Variants in CACNA2D3 observed in about 807,000 individuals in gnomAD.
CACNA2D3 encodes the protein calcium voltage-gated channel auxiliary subunit alpha2delta 3, also known as voltage-dependent calcium channel subunit alpha-2/delta-3.
Under a neutral mutation model 160.6 loss-of-function variants are expected in CACNA2D3, and 60 were observed. The ratio of observed to expected loss-of-function variants is 0.37; its 90% CI spans 0.30 to 0.46. The LOEUF (loss-of-function observed/expected upper bound fraction) is 0.46, where lower values mean the gene tolerates loss of function less well. CACNA2D3 is among the 20% of genes least tolerant of loss of function. The pLI is 1.00. For synonymous variants in CACNA2D3, 558 were observed against 492.9 expected, an observed-to-expected ratio of 1.13 and a Z score of -1.75; for missense variants, 1,205 against 1,365.0, an observed-to-expected ratio of 0.88 and a Z score of 1.85.
chr3:54,556,271 C>T (rs1357120071), intron 5 of CACNA2D3, among the ~76,000 whole-genome samples: 1 of 152,116 alleles, frequency 6.6e-6, no homozygotes, highest in African/African-American at 2.4e-5. Flanking sequence ...TGCCTAAACC[C>T]AATGACCAGT....
intron 13 of CACNA2D3, among the ~76,000 whole-genome samples, chr3:54,768,648 A>G (rs1266093387): frequency 6.6e-6 from 1 of 152,204 alleles, no homozygotes; most frequent in Non-Finnish European, 1.5e-5. Context: ...CAAATTTTAC[A>G]TTCTGTGCCA....
In CACNA2D3 at chr3:54,741,493, G is replaced by A. The variant is rs1264312783; in HGVS notation, c.1168-11106G>A. ...AACTTGCTGGGCAAGGTGGCTCAAC[G>A]CCACCCTGGGAGGCTGAGGTGGGTG... is the stretch of plus-strand genomic sequence containing the variant. On this transcript the variant is annotated intron_variant, in intron 11 of 37. Transcript: ENST00000474759. Among the ~76,000 whole-genome samples the A allele has an allele frequency of 3.1e-4, 47 of 151,964 alleles. 1 individual carries two copies. The highest frequency in any genetic ancestry group is 2.9e-3 in the Admixed American group (45 of 15,258).
chr3:54,950,872 G>A (rs1216805088), intron 27 of CACNA2D3, among the ~76,000 whole-genome samples: 1 of 152,176 alleles, frequency 6.6e-6, no homozygotes, highest in Non-Finnish European at 1.5e-5. Flanking sequence ...GGCAAGAGCA[G>A]GAGAGGAGAG....
At chr3:54,522,969 C>CT (rs1387054686) in intron 5 of CACNA2D3, among the ~76,000 whole-genome samples, 1 of 151,974 alleles carries the variant, frequency 6.6e-6, no homozygotes, top group Non-Finnish European at 1.5e-5. Flanking sequence ...TACTTACTTA[C>CT]TTACTGACCA....
At chr3:54,955,199 G>A (rs756243132) in intron 27 of CACNA2D3, among the ~76,000 whole-genome samples, 12 of 152,174 alleles carry the variant, frequency 7.9e-5, no homozygotes, top group Non-Finnish European at 1.5e-4. Flanking sequence ...CAGGGGACAG[G>A]GGAGATGGGG....
intron 35 of CACNA2D3, among the ~76,000 whole-genome samples, chr3:55,049,131 T>G (rs1704129497): frequency 6.6e-6 from 1 of 152,010 alleles, no homozygotes; most frequent in African/African-American, 2.4e-5. Context: ...TAGTTATTTC[T>G]TCCCTTCTGC....
chr3:54,187,218 A>G (rs1700893762), intron 2 of CACNA2D3, among the ~76,000 whole-genome samples: 1 of 152,266 alleles, frequency 6.6e-6, no homozygotes, highest in East Asian at 1.9e-4. Context: ...AGATGACTGT[A>G]TCTGTGTCTG....
chr3:54,769,658 G>T (rs1702283368), intron 13 of CACNA2D3, among the ~76,000 whole-genome samples: 2 of 152,064 alleles, frequency 1.3e-5, no homozygotes, highest in South Asian at 4.2e-4. Context: ...ACTATTTATT[G>T]TCATTTCCCA....
At chr3:54,284,025 G>A (rs1702949185) in intron 2 of CACNA2D3, among the ~76,000 whole-genome samples, 2 of 152,212 alleles carry the variant, frequency 1.3e-5, no homozygotes, top group South Asian at 4.1e-4. Context: ...TTGCACCGCT[G>A]CACTCCAGCC....
intron 4 of CACNA2D3, among the ~76,000 whole-genome samples, chr3:54,496,803 A>G (rs1418305067): frequency 1.3e-5 from 2 of 152,140 alleles, no homozygotes; most frequent in African/African-American, 2.4e-5. Context: ...TCAAATTCAT[A>G]TGTGTATGAT....
intron 2 of CACNA2D3, among the ~76,000 whole-genome samples, chr3:54,143,088 G>A (rs894527121): frequency 1.3e-5 from 2 of 152,222 alleles, no homozygotes; most frequent in African/African-American, 4.8e-5. Context: ...ACAGGAAGTA[G>A]GTAGCAAGGC....
At chr3:54,151,932 G>A (rs1043898939) in intron 2 of CACNA2D3, among the ~76,000 whole-genome samples, 3 of 152,124 alleles carry the variant, frequency 2.0e-5, no homozygotes, top group African/African-American at 4.8e-5. Flanking sequence ...CTAAATCCTC[G>A]TAGAGCTGTT....
intron 3 of CACNA2D3, among the ~76,000 whole-genome samples, chr3:54,353,700 C>T (rs1698603606): frequency 6.6e-6 from 1 of 152,152 alleles, no homozygotes; most frequent in South Asian, 2.1e-4. Flanking sequence ...CCCTTGTCTC[C>T]CTGTGGGCTT....
Position 54,122,795 on chromosome 3 carries a change from G to T in CACNA2D3, c.82G>T (p.Gly28Trp), listed in dbSNP as rs1202872951. The T allele has an allele frequency of 1.6e-6, 2 of 1,232,050 alleles. No homozygotes were observed. The highest frequency in any genetic ancestry group is 2.0e-6 in the Non-Finnish European group (2 of 982,752). 76.3% of individuals were successfully genotyped at this position (1,232,050 alleles called of 1,614,324 possible). Residue 28 changes from glycine to tryptophan, a missense_variant, in exon 1 of 38, where the codon GGG (glycine) becomes TGG (tryptophan). Transcript: ENST00000474759. Reference sequence around the variant, plus strand: ...TGCCGCGCTTCTCTACGCCGCGCTGGGGGACGTGGTGCGCTCGGAGCAGCA... The same window carrying T: ...TGCCGCGCTTCTCTACGCCGCGCTGTGGGACGTGGTGCGCTCGGAGCAGCA... ...LAAALLYAALGDVVRSEQQIP... is the reference protein window; with the variant it reads ...LAAALLYAALWDVVRSEQQIP...
At chr3:54,513,090 G>A (rs966877401) in intron 5 of CACNA2D3, among the ~76,000 whole-genome samples, 3 of 152,118 alleles carry the variant, frequency 2.0e-5, no homozygotes, top group African/African-American at 7.2e-5. Context: ...CACAACACAT[G>A]GGAATTCAAG....
At chr3:54,941,353 T>G (rs1420687440) in intron 27 of CACNA2D3, among the ~76,000 whole-genome samples, 1 of 152,206 alleles carries the variant, frequency 6.6e-6, no homozygotes, top group Non-Finnish European at 1.5e-5. Flanking sequence ...ATCTCAGTTA[T>G]GAAGTAAGCC....
chr3:54,970,774 G>A (rs528542861), intron 29 of CACNA2D3, among the ~76,000 whole-genome samples: 8 of 151,462 alleles, frequency 5.3e-5, no homozygotes, highest in African/African-American at 1.7e-4. Context: ...TCTGCCCCAC[G>A]TTTTGGAGCA....
At chr3:54,476,190 C>A (rs1403525790) in intron 4 of CACNA2D3, among the ~76,000 whole-genome samples, 2 of 148,154 alleles carry the variant, frequency 1.3e-5, no homozygotes, top group Admixed American at 6.8e-5. Flanking sequence ...TTTTTAAAGG[C>A]TGAATAATAT....
At chr3:54,772,406 C>G (rs955359415) in intron 13 of CACNA2D3, among the ~76,000 whole-genome samples, 1 of 151,940 alleles carries the variant, frequency 6.6e-6, no homozygotes, top group African/African-American at 2.4e-5. Flanking sequence ...TGGTTCTGGA[C>G]AAGTTCAAGA....
Sources: allele counts gnomAD v4.1 joint callset (sites outside exome capture counted in the v4.1 genomes callset), GRCh38; gene constraint gnomAD v4.1.1; transcripts MANE v1.5; gene names NCBI Gene and HGNC (gene_info 2026-07-23, HGNC 2026-07-21).